The following SCN8A variants were observed in gnomAD, a reference collection of about 807,000 sequenced individuals.
SCN8A encodes sodium voltage-gated channel alpha subunit 8, also known as sodium channel protein type 8 subunit alpha.
Under a neutral mutation model 184.1 loss-of-function variants are expected in SCN8A, and 30 were observed. That is an observed-to-expected ratio of 0.16 (90% confidence interval 0.12 to 0.22). The LOEUF (loss-of-function observed/expected upper bound fraction) is 0.22, where lower values mean the gene tolerates loss of function less well. Among genes scored for constraint, SCN8A ranks in the 10% least tolerant of loss-of-function variants. The pLI, the probability that SCN8A is intolerant of heterozygous loss-of-function variation, is 1.00. For synonymous variants in SCN8A, 852 were observed against 907.0 expected (o/e 0.94, Z 1.09); for missense variants, 1,057 against 2,498.9 (o/e 0.42, Z 12.30).
At chr12:51,738,002 C>T (rs547059541) in intron 12 of SCN8A, among the ~76,000 whole-genome samples, 1 of 152,268 alleles carries the variant, frequency 6.6e-6, no homozygotes, top group Non-Finnish European at 1.5e-5. Context: ...ACTTAGCGGC[C>T]ATTGTTCTAT....
chr12:51,739,158 A>G (rs1422545666), intron 12 of SCN8A, among the ~76,000 whole-genome samples: 1 of 152,040 alleles, frequency 6.6e-6, no homozygotes, highest in African/African-American at 2.4e-5. Context: ...ATTCTTTTTT[A>G]GTATGAATAG....
rs529597193 is a variant in SCN8A, at chr12:51,734,496, G to C, written c.1999-11407G>C. 2.0e-5 allele frequency among the ~76,000 whole-genome samples: 3 copies of C among 152,378 alleles called. No individual in the cohort carries two copies. In the South Asian group the frequency reaches 6.2e-4, roughly 32 times the overall value. On this transcript the variant is annotated intron_variant, in intron 12 of 26. Transcript: ENST00000627620. ...AGCAGGAACATGCCCTTAAGACACA[G>C]ATCGCTCATGCTATTGTTTGTGGCT... is the stretch of plus-strand genomic sequence containing the variant.
At chr12:51,798,519 G>A (rs1938471951) in intron 26 of SCN8A, among the ~76,000 whole-genome samples, 1 of 152,224 alleles carries the variant, frequency 6.6e-6, no homozygotes, top group Non-Finnish European at 1.5e-5. Flanking sequence ...CTCAGTGTTG[G>A]TCTCTGCTAC....
chr12:51,709,789 A>C (rs1168198940), intron 11 of SCN8A, among the ~76,000 whole-genome samples: 3 of 152,190 alleles, frequency 2.0e-5, no homozygotes, highest in Non-Finnish European at 2.9e-5. Context: ...AGTAGAGCAC[A>C]ATCTTGGAAG....
intron 12 of SCN8A, among the ~76,000 whole-genome samples, chr12:51,741,779 C>T (rs11495450): frequency 0.28 from 42,277 of 151,184 alleles, 6,488 homozygotes; most frequent in Admixed American, 0.35. Flanking sequence ...GGTGTGATCT[C>T]GGCTCACTGC....
intron 25 of SCN8A, among the ~76,000 whole-genome samples, chr12:51,791,335 C>A (rs1938245345): frequency 6.6e-6 from 1 of 152,182 alleles, no homozygotes; most frequent in Non-Finnish European, 1.5e-5. Flanking sequence ...TTTCTCCCCT[C>A]ACCCCCACAC....
rs1938845449 is a variant in SCN8A, at chr12:51,810,228, T to G, written c.*2799T>G. 1 of 244,304 alleles carries G rather than the reference T, an allele frequency of 4.1e-6. No homozygotes were observed. Among genetic ancestry groups the G allele is most frequent in the Non-Finnish European group, 8.4e-6 (1 of 118,650 alleles). The allele number at this position is 244,304 out of a possible 1,614,324, so 15.1% of individuals were successfully genotyped here. On this transcript the variant is annotated 3_prime_UTR_variant, in exon 27 of 27. Coordinates refer to ENST00000627620, the MANE Select transcript of SCN8A (RefSeq NM_001330260.2). ...CCAGCCTCATAGGAAAGAAGCCACCTCCGCTGTATTTGAAGTTTCACTTTT... is the reference window on the plus strand; with the variant it reads ...CCAGCCTCATAGGAAAGAAGCCACCGCCGCTGTATTTGAAGTTTCACTTTT...
intron 25 of SCN8A, among the ~76,000 whole-genome samples, chr12:51,791,067 G>A (rs1938236364): frequency 6.6e-6 from 1 of 152,110 alleles, no homozygotes; most frequent in South Asian, 2.1e-4. Context: ...ATTGGTGATG[G>A]TTGTCTTGTT....
At chr12:51,719,301 A>G (rs1905250) in intron 11 of SCN8A, among the ~76,000 whole-genome samples, 4,817 of 6,356 alleles carry the variant, frequency 0.76, 1,944 homozygotes, top group East Asian at 0.9. Context: ...TCTATTACCT[A>G]TAAAATGTGT....
At chr12:51,770,843 C>A (rs1260612529) in intron 19 of SCN8A, among the ~76,000 whole-genome samples, 160 bp downstream of exon 19, 1 of 152,186 alleles carries the variant, frequency 6.6e-6, no homozygotes, top group Non-Finnish European at 1.5e-5. Context: ...CTGCTTTGAG[C>A]CTGTGGGATT....
At chr12:51,659,185 C>T (rs1277112807) in intron 1 of SCN8A, among the ~76,000 whole-genome samples, 1 of 152,146 alleles carries the variant, frequency 6.6e-6, no homozygotes, top group Non-Finnish European at 1.5e-5. Flanking sequence ...ATGAATTTCA[C>T]AGAAATAGTG....
intron 26 of SCN8A, among the ~76,000 whole-genome samples, chr12:51,796,920 G>A (rs1938427562): frequency 6.6e-6 from 1 of 152,162 alleles, no homozygotes; most frequent in South Asian, 2.1e-4. Context: ...GCTTTTTCTA[G>A]CTGAGCTGGC....
chr12:51,638,781 G>A (rs1014212897), intron 1 of SCN8A, among the ~76,000 whole-genome samples: 2 of 152,078 alleles, frequency 1.3e-5, no homozygotes, highest in African/African-American at 2.4e-5. Context: ...CACCACACCC[G>A]GCCGGAAGGA....
chr12:51,650,043 G>T (rs1940675067), intron 1 of SCN8A, among the ~76,000 whole-genome samples: 1 of 152,108 alleles, frequency 6.6e-6, no homozygotes, highest in Non-Finnish European at 1.5e-5. Flanking sequence ...TCTCTCTCAA[G>T]TTCAAAGTTC....
intron 2 of SCN8A, among the ~76,000 whole-genome samples, chr12:51,670,887 C>T (rs1200717208): frequency 1.3e-5 from 2 of 152,108 alleles, no homozygotes; most frequent in African/African-American, 2.4e-5. Context: ...GGCTCTGTTC[C>T]GTGCCCTTGG....
At chr12:51,666,503 A>G (rs537264029) in intron 2 of SCN8A, among the ~76,000 whole-genome samples, 18 of 152,368 alleles carry the variant, frequency 1.2e-4, no homozygotes, top group African/African-American at 3.6e-4. Context: ...TCAAAAAGTC[A>G]TAAGGGTAGA....
intron 1 of SCN8A, among the ~76,000 whole-genome samples, chr12:51,629,362 A>G (rs550798572): frequency 2.6e-4 from 40 of 152,192 alleles, no homozygotes; most frequent in Admixed American, 1.3e-3. Context: ...TGTGCATTGT[A>G]AGATGTTTAG....
chr12:51,713,990 A>G (rs1303017080), intron 11 of SCN8A, among the ~76,000 whole-genome samples: 4 of 150,232 alleles, frequency 2.7e-5, no homozygotes, highest in African/African-American at 7.3e-5. Flanking sequence ...TTTTTTTTGT[A>G]TTACATTTCT....
intron 13 of SCN8A, among the ~76,000 whole-genome samples, chr12:51,747,139 G>A (rs1310614175): frequency 1.3e-5 from 2 of 151,016 alleles, no homozygotes; most frequent in Non-Finnish European, 3.0e-5. Flanking sequence ...GTGTTGGGGA[G>A]GGGGTTGCAG....
Sources: gnomAD v4.1 joint callset for allele counts (sites outside exome capture counted in the v4.1 genomes callset) on GRCh38, gnomAD v4.1.1 for gene constraint, MANE v1.5 for transcripts, NCBI Gene and HGNC (gene_info 2026-07-23, HGNC 2026-07-21) for gene names.